Variants in GIPC2 observed in about 807,000 individuals in gnomAD.
GIPC2 encodes PDZ domain-containing protein GIPC2.
In GIPC2, 30 loss-of-function variants were observed where a neutral mutation model predicts 30.6. The observed-to-expected ratio is 0.98, with a 90% CI of 0.73 to 1.33. The LOEUF is 1.33. Ranked by LOEUF, GIPC2 falls within the 40% of genes most tolerant of loss-of-function variation. The probability of loss-of-function intolerance (pLI) is 0.00; values close to 1 mark genes in which losing one functional copy is unlikely to be tolerated. For missense variants in GIPC2, 414 were observed against 390.3 expected, an observed-to-expected ratio of 1.06 and a Z score of -0.51; for synonymous variants, 167 against 150.0, an observed-to-expected ratio of 1.11 and a Z score of -0.83.
chr1:78,045,739 G>A, upstream of GIPC2: 2 of 985,496 alleles, frequency 2.0e-6, no homozygotes, highest in Non-Finnish European at 2.4e-6. Context: ...GAAAAGCAGA[G>A]AAGGGCCAGC....
At chr1:78,113,483 GC>G (rs1000314884) in intron 3 of GIPC2, among the ~76,000 whole-genome samples, 14 of 134,480 alleles carry the variant, frequency 1.0e-4, no homozygotes, top group African/African-American at 3.4e-4. Flanking sequence ...GATGTCCTGG[GC>G]TCAAGCAATC....
intron 4 of GIPC2, among the ~76,000 whole-genome samples, chr1:78,125,240 A>G (rs996429530): frequency 2.0e-5 from 3 of 152,246 alleles, no homozygotes; most frequent in Non-Finnish European, 2.9e-5. Flanking sequence ...GAATCTTGCC[A>G]TGTTGCCCAG....
At chr1:78,131,207 TTTTTTC>T (rs1330247096) in intron 5 of GIPC2, among the ~76,000 whole-genome samples, 1 of 152,110 alleles carries the variant, frequency 6.6e-6, no homozygotes, top group Non-Finnish European at 1.5e-5. Flanking sequence ...CTTTTTTTTC[TTTTTTC>T]TTTTTCTTTT....
At chr1:78,049,061 A>T (rs1661148276) in intron 1 of GIPC2, among the ~76,000 whole-genome samples, 2 of 152,252 alleles carry the variant, frequency 1.3e-5, no homozygotes, top group African/African-American at 4.8e-5. Context: ...AAACAGAAGT[A>T]ACTCACTAAA....
At chr1:78,058,016 C>G (rs979020709) in intron 1 of GIPC2, among the ~76,000 whole-genome samples, 2 of 152,190 alleles carry the variant, frequency 1.3e-5, no homozygotes, top group Non-Finnish European at 2.9e-5. Context: ...AAGAGGAAAA[C>G]ATAAGTATGT....
rs778904893 is a variant in GIPC2, at chr1:78,119,483, C to T, written c.698C>T (p.Ala233Val). Residue 233 changes from alanine to valine, a missense_variant, in exon 4 of 6, where the codon GCC becomes GTC. Transcript: ENST00000370759. ...ATLRLRSKGP[A>V]TVEEMPSETK... Reference sequence around the variant, plus strand: ...CTTCGCCTGAGATCAAAAGGTCCTGCCACCGTGGAAGAAATGGTATGTTAT... The same window carrying T: ...CTTCGCCTGAGATCAAAAGGTCCTGTCACCGTGGAAGAAATGGTATGTTAT... 8 of 1,603,224 alleles carry T rather than the reference C, an allele frequency of 5.0e-6. No homozygotes were observed. The highest frequency in any genetic ancestry group is 6.8e-6 in the Non-Finnish European group (8 of 1,170,272).
At chr1:78,049,893 CTT>C (rs35263483) in intron 1 of GIPC2, among the ~76,000 whole-genome samples, 387 of 98,454 alleles carry the variant, frequency 3.9e-3, no homozygotes, top group African/African-American at 0.011. Flanking sequence ...AGAAAAACCT[CTT>C]TTTTTTTTTT....
rs1663008868 is a variant in GIPC2 at position 78,136,597 on chromosome 1, A to G, written c.*854A>G. ...GGAAAGATATTTACTCAAAATAACT[A>G]TGCTTTAGAACTTTTTTTTTTTTTT... On this transcript the variant is annotated 3_prime_UTR_variant, in exon 6 of 6. Coordinates refer to ENST00000370759, the MANE Select transcript of GIPC2 (RefSeq NM_017655.6). 7.9e-6 allele frequency: 1 copy of G among 126,426 alleles called. No individual in the cohort carries two copies. Among genetic ancestry groups the G allele is most frequent in the Admixed American group, 8.8e-5 (1 of 11,364 alleles). 7.8% of individuals were successfully genotyped at this position (126,426 alleles called of 1,614,324 possible).
chr1:78,065,921 A>G (rs1431792239), intron 1 of GIPC2, among the ~76,000 whole-genome samples: 3 of 152,256 alleles, frequency 2.0e-5, no homozygotes, highest in Non-Finnish European at 4.4e-5. Flanking sequence ...CTTTAACAAA[A>G]TCCAAAATTA....
At position 78,121,318 on chromosome 1, in the gene GIPC2, CG is replaced by C. The variant is rs906351124; in HGVS notation, c.714+1826del. Among the ~76,000 whole-genome samples, 10 of 151,952 alleles carry C rather than the reference CG, an allele frequency of 6.6e-5. No individual in the cohort carries two copies. The South Asian group carries it at 2.1e-3, about 32-fold the overall frequency. ...AGCAGGTGACTGATGCCTGTGAGCT[CG>C]GGGGGGCAGGGGCAAGGCTCTGGGC... On this transcript the variant is annotated intron_variant, in intron 4 of 5. Coordinates refer to ENST00000370759, the MANE Select transcript of GIPC2 (RefSeq NM_017655.6).
intron 3 of GIPC2, among the ~76,000 whole-genome samples, chr1:78,111,010 C>G (rs938577344): frequency 1.3e-5 from 2 of 152,176 alleles, no homozygotes; most frequent in African/African-American, 2.4e-5. Context: ...ATTGCTGGTG[C>G]GCACATCCTG....
Position 78,046,110 on chromosome 1 carries a change from C to CG in GIPC2, c.21dup (p.Lys8GlufsTer45). ...GCCCTGCAAGATGCCCCTGAAGCTG[C>CG]GGGGGAAGAAGAAGGCCAAGTCCAA... On this transcript the variant is annotated frameshift_variant, in exon 1 of 6. Transcript: ENST00000370759. LOFTEE classifies it high-confidence loss of function. 6.8e-7 allele frequency: 1 copy of CG among 1,477,134 alleles called. No individual in the cohort carries two copies. Among genetic ancestry groups the CG allele is most frequent in the Non-Finnish European group, 8.9e-7 (1 of 1,118,382 alleles). The allele number at this position is 1,477,134 out of a possible 1,614,324, so 91.5% of individuals were successfully genotyped here. A position where few individuals can be genotyped will look rare whatever the true frequency, so the allele number is the denominator to read the frequency against.
chr1:78,091,599 G>A, intron 2 of GIPC2: 1 of 764,348 alleles, frequency 1.3e-6, no homozygotes, highest in Non-Finnish European at 2.5e-6. Context: ...ATCTTCTTCG[G>A]GAATGCGTTC....
At chr1:78,123,683 A>T (rs1480803762) in intron 4 of GIPC2, among the ~76,000 whole-genome samples, 1 of 152,214 alleles carries the variant, frequency 6.6e-6, no homozygotes, top group East Asian at 1.9e-4. Flanking sequence ...CAGAATGTGG[A>T]TGGAGAAGAG....
At chr1:78,118,218 C>T (rs1398585885) in intron 3 of GIPC2, among the ~76,000 whole-genome samples, 6 of 144,846 alleles carry the variant, frequency 4.1e-5, no homozygotes, top group Admixed American at 1.4e-4. Context: ...TTACTGTAAT[C>T]GCTCTGGCCT....
intron 1 of GIPC2, among the ~76,000 whole-genome samples, chr1:78,057,741 T>G (rs979476860): frequency 3.9e-5 from 6 of 152,202 alleles, no homozygotes; most frequent in Non-Finnish European, 7.4e-5. Context: ...ATTAGAAAAC[T>G]TATTGGTTAT....
intron 3 of GIPC2, among the ~76,000 whole-genome samples, chr1:78,100,010 C>T (rs191322730): frequency 4.6e-5 from 7 of 152,100 alleles, no homozygotes; most frequent in Non-Finnish European, 8.8e-5. Context: ...AAAGACTGGG[C>T]AATGAAGAGG....
intron 4 of GIPC2, among the ~76,000 whole-genome samples, chr1:78,124,681 C>T (rs1363250270): frequency 6.6e-6 from 1 of 152,152 alleles, no homozygotes; most frequent in Admixed American, 6.6e-5. Flanking sequence ...TTGAAGTGTC[C>T]TCTCCTGCTT....
chr1:78,081,400 A>T (rs1428351102), intron 2 of GIPC2, among the ~76,000 whole-genome samples: 1 of 152,182 alleles, frequency 6.6e-6, no homozygotes, highest in Admixed American at 6.5e-5. Context: ...ATTATTTCCT[A>T]AACAATACAG....
Sources: allele counts gnomAD v4.1 joint callset (sites outside exome capture counted in the v4.1 genomes callset), GRCh38; gene constraint gnomAD v4.1.1; transcripts MANE v1.5; gene names NCBI Gene and HGNC (gene_info 2026-07-23, HGNC 2026-07-21).